The following GFRA1 variants were observed in gnomAD, a reference collection of about 807,000 sequenced individuals.
The protein encoded by GFRA1 is GDNF family receptor alpha-1.
Under a neutral mutation model 51.6 loss-of-function variants are expected in GFRA1, and 16 were observed. That is an observed-to-expected ratio of 0.31 (90% confidence interval 0.21 to 0.47). The LOEUF (loss-of-function observed/expected upper bound fraction) is 0.47. Ranked by LOEUF, GFRA1 falls within the 20% of genes least tolerant of loss-of-function variation. The pLI is 1.00. For synonymous variants in GFRA1, 270 were observed against 241.3 expected, an observed-to-expected ratio of 1.12 and a Z score of -1.10; for missense variants, 530 against 594.3, an observed-to-expected ratio of 0.89 and a Z score of 1.13.
At chr10:116,108,910 C>T (rs866600372) in intron 6 of GFRA1, among the ~76,000 whole-genome samples, 45 of 152,286 alleles carry the variant, frequency 3.0e-4, no homozygotes, top group African/African-American at 1.1e-3. Context: ...AATGAATGAA[C>T]GAATCTGACT....
chr10:116,192,542 G>A (rs901310036), intron 5 of GFRA1, among the ~76,000 whole-genome samples: 4 of 152,154 alleles, frequency 2.6e-5, no homozygotes, highest in East Asian at 1.9e-4. Context: ...CACAGAGCTC[G>A]CTTTGTTTGG....
rs1286921915 is a variant in GFRA1 at position 116,057,990 on chromosome 10, T to TGTG, written c.*6407_*6408insCAC. ...GCTGGATCATATAGCCCTCCAATCA[T>TGTG]TGTGTGTGTGTGTGTGTGTGTGTGT... On this transcript the variant is annotated 3_prime_UTR_variant, in exon 11 of 11. Transcript: ENST00000355422. 3.9e-5 allele frequency: 5 copies of TGTG among 129,104 alleles called. No individual in the cohort carries two copies. The East Asian group carries it at 1.1e-3, about 27-fold the overall frequency. The allele number at this position is 129,104 out of a possible 1,614,324, so 8.0% of individuals were successfully genotyped here. A position where few individuals can be genotyped will look rare whatever the true frequency, so the allele number is the denominator to read the frequency against.
chr10:116,262,796 T>G (rs1439636673), intron 4 of GFRA1, among the ~76,000 whole-genome samples: 2 of 152,162 alleles, frequency 1.3e-5, no homozygotes, highest in Non-Finnish European at 2.9e-5. Context: ...AAGCATCTCC[T>G]AGGTTTAAGG....
chr10:116,191,986 C>T lies in GFRA1; in HGVS notation c.433+19645G>A, dbSNP rs548263437. On this transcript the variant is annotated intron_variant, in intron 5 of 10. Transcript: ENST00000355422. Reference sequence around the variant, plus strand: ...AGGTTGCAGTGAGCCGAGATCGCGCCATTGCACTCCAGCCTCGGGGACAAG... The same window carrying T: ...AGGTTGCAGTGAGCCGAGATCGCGCTATTGCACTCCAGCCTCGGGGACAAG... Among the ~76,000 whole-genome samples the T allele has an allele frequency of 1.4e-4, 22 of 152,304 alleles. No homozygotes were observed. The East Asian group carries it at 4.3e-3, about 29-fold the overall frequency.
intron 5 of GFRA1, among the ~76,000 whole-genome samples, chr10:116,146,044 AAT>A (rs1589823302): frequency 6.6e-6 from 1 of 152,040 alleles, no homozygotes; most frequent in African/African-American, 2.4e-5. Context: ...GTGTATAAAT[AAT>A]ATATAGTCAC....
chr10:116,256,747 A>G (rs986167436), intron 4 of GFRA1, among the ~76,000 whole-genome samples: 1 of 152,228 alleles, frequency 6.6e-6, no homozygotes, highest in African/African-American at 2.4e-5. Context: ...TGGCACAGAA[A>G]ACAGCTAGGC....
At chr10:116,143,102 T>C (rs1296726644) in intron 5 of GFRA1, among the ~76,000 whole-genome samples, 1 of 152,160 alleles carries the variant, frequency 6.6e-6, no homozygotes, top group Non-Finnish European at 1.5e-5. Context: ...TAAGAAATGA[T>C]TGTGCCATAC....
chr10:116,073,758 A>G (rs1442428562), intron 9 of GFRA1, among the ~76,000 whole-genome samples: 1 of 152,130 alleles, frequency 6.6e-6, no homozygotes, highest in Non-Finnish European at 1.5e-5. Flanking sequence ...TCACCATCAG[A>G]TAATATTTAT....
At chr10:116,251,606 A>C (rs1212804662) in intron 4 of GFRA1, among the ~76,000 whole-genome samples, 1 of 152,190 alleles carries the variant, frequency 6.6e-6, no homozygotes, top group East Asian at 1.9e-4. Flanking sequence ...CATACAAAGA[A>C]TATCTCAAGT....
intron 4 of GFRA1, among the ~76,000 whole-genome samples, chr10:116,247,798 C>G (rs372605589): frequency 3.9e-5 from 6 of 152,294 alleles, no homozygotes; most frequent in African/African-American, 1.4e-4. Context: ...ATTCATGTAT[C>G]ATCTGCCCTC....
intron 5 of GFRA1, among the ~76,000 whole-genome samples, chr10:116,138,089 C>A (rs1160893419): frequency 2.0e-5 from 3 of 152,162 alleles, no homozygotes; most frequent in African/African-American, 7.2e-5. Context: ...GCCTGAGTCA[C>A]CGCGCCCGGC....
chr10:116,265,936 G>T (rs1394978838), intron 4 of GFRA1, among the ~76,000 whole-genome samples: 1 of 152,116 alleles, frequency 6.6e-6, no homozygotes, highest in Non-Finnish European at 1.5e-5. Context: ...TCAGGTTTCT[G>T]GAAAGCAGCC....
chr10:116,149,443 A>T (rs1177071423), intron 5 of GFRA1, among the ~76,000 whole-genome samples: 2 of 152,218 alleles, frequency 1.3e-5, no homozygotes, highest in Admixed American at 1.3e-4. Context: ...GATCAAAGGG[A>T]ACACATAGCT....
chr10:116,092,400 TTGTGTGTGTG>T (rs909632285), intron 8 of GFRA1, among the ~76,000 whole-genome samples: 1 of 152,008 alleles, frequency 6.6e-6, no homozygotes, highest in African/African-American at 2.4e-5. Context: ...ACAAAAGCTT[TTGTGTGTGTG>T]TGCGTGTGTG....
intron 8 of GFRA1, among the ~76,000 whole-genome samples, chr10:116,091,196 A>T (rs1260963173): frequency 1.3e-5 from 2 of 152,242 alleles, no homozygotes; most frequent in Non-Finnish European, 1.5e-5. Context: ...TCAGCGGTTC[A>T]GTTGTTCACT....
At chr10:116,165,672 C>CACACACAA (rs1265169171) in intron 5 of GFRA1, among the ~76,000 whole-genome samples, 17 of 151,572 alleles carry the variant, frequency 1.1e-4, no homozygotes, top group African/African-American at 3.9e-4. Flanking sequence ...CTCTCACACA[C>CACACACAA]ACACACACAC....
At chr10:116,150,911 T>A (rs983720004) in intron 5 of GFRA1, among the ~76,000 whole-genome samples, 4 of 152,318 alleles carry the variant, frequency 2.6e-5, no homozygotes, top group South Asian at 4.1e-4. Context: ...ACAGTTTTTA[T>A]ATTTTATTTT....
chr10:116,123,578 A>T (rs890967298), intron 6 of GFRA1, among the ~76,000 whole-genome samples: 3 of 152,216 alleles, frequency 2.0e-5, no homozygotes, highest in Non-Finnish European at 4.4e-5. Context: ...AATCTTCAAC[A>T]TCACAGACAT....
intron 7 of GFRA1, among the ~76,000 whole-genome samples, chr10:116,095,668 C>T (rs1156431232): frequency 6.6e-6 from 1 of 152,112 alleles, no homozygotes; most frequent in African/African-American, 2.4e-5. Context: ...GCATTAAGTA[C>T]CATTATTGAT....
Sources: gnomAD v4.1 joint callset for allele counts (sites outside exome capture counted in the v4.1 genomes callset) on GRCh38, gnomAD v4.1.1 for gene constraint, MANE v1.5 for transcripts, NCBI Gene and HGNC (gene_info 2026-07-23, HGNC 2026-07-21) for gene names.